Variants in PPP6R2 observed in about 807,000 individuals in gnomAD.
PPP6R2 encodes protein phosphatase 6 regulatory subunit 2.
Under a neutral mutation model 100.2 loss-of-function variants are expected in PPP6R2, and 62 were observed. The observed-to-expected ratio is 0.62, with a 90% CI of 0.50 to 0.76. The LOEUF (loss-of-function observed/expected upper bound fraction) is 0.76, where lower values mean the gene tolerates loss of function less well. PPP6R2 is among the 30% of genes least tolerant of loss of function. PPP6R2 has a pLI of 0.00. For missense variants in PPP6R2, 1,142 were observed against 1,276.3 expected, an observed-to-expected ratio of 0.89 and a Z score of 1.60; for synonymous variants, 525 against 514.7, an observed-to-expected ratio of 1.02 and a Z score of -0.27.
At chr22:50,442,788 A>AGG (rs2065994151) in intron 22 of PPP6R2, among the ~76,000 whole-genome samples, 2 of 151,438 alleles carry the variant, frequency 1.3e-5, no homozygotes, top group Non-Finnish European at 2.9e-5. Flanking sequence ...TCCTGACCTC[A>AGG]TGATCCGCCT....
chr22:50,403,854 C>T (rs1225661900), intron 3 of PPP6R2, among the ~76,000 whole-genome samples: 2 of 152,190 alleles, frequency 1.3e-5, no homozygotes, highest in African/African-American at 4.8e-5. Flanking sequence ...GCGTTTCTTC[C>T]CCTTCCACAC....
chr22:50,382,495 G>A (rs2053321845), intron 2 of PPP6R2, among the ~76,000 whole-genome samples: 1 of 149,250 alleles, frequency 6.7e-6, no homozygotes, highest in African/African-American at 2.5e-5. Flanking sequence ...GCCTGGGCTA[G>A]GCAAAAGGGT....
intron 1 of PPP6R2, among the ~76,000 whole-genome samples, chr22:50,371,798 G>A (rs1367105279): frequency 2.0e-5 from 3 of 151,896 alleles, no homozygotes; most frequent in East Asian, 1.9e-4. Context: ...CACCACACCC[G>A]GCTAATTTTT....
chr22:50,339,751 GGT>G, upstream of PPP6R2, among the ~76,000 whole-genome samples: 1 of 81,194 alleles, frequency 1.2e-5, no homozygotes, highest in African/African-American at 1.1e-4. Flanking sequence ...TATAGTATGT[GGT>G]GGTGTGTGGT....
At chr22:50,389,741 G>A (rs1241748555) in intron 2 of PPP6R2, among the ~76,000 whole-genome samples, 2 of 151,890 alleles carry the variant, frequency 1.3e-5, no homozygotes, top group South Asian at 4.1e-4. Context: ...TGGGATTTCA[G>A]ATGTGCACCA....
chr22:50,394,734 G>A (rs775630777), intron 3 of PPP6R2, among the ~76,000 whole-genome samples: 44 of 151,290 alleles, frequency 2.9e-4, no homozygotes, highest in African/African-American at 7.5e-4. Context: ...GTGAAACCCC[G>A]TCTCTACTAA....
chr22:50,407,861 C>T (rs890429497), intron 4 of PPP6R2, among the ~76,000 whole-genome samples: 1 of 148,820 alleles, frequency 6.7e-6, no homozygotes, highest in Admixed American at 6.7e-5. Flanking sequence ...CAGATTATTT[C>T]TCATGTAAAT....
At chr22:50,436,093 G>T (rs1057299122) in intron 13 of PPP6R2, among the ~76,000 whole-genome samples, 5 of 152,226 alleles carry the variant, frequency 3.3e-5, no homozygotes, top group Non-Finnish European at 7.3e-5. Context: ...GAACTCAGAT[G>T]CCCACTGGGG....
upstream of PPP6R2, among the ~76,000 whole-genome samples, chr22:50,339,141 T>TTGTGGTGTGTGTGTGGTATGTGGTGTG: frequency 8.8e-6 from 1 of 114,266 alleles, no homozygotes; most frequent in South Asian, 3.1e-4. Flanking sequence ...TGTGTGTGGT[T>TTGTGGTGTGTGTGTGGTATGTGGTGTG]TGTGGTGTGT....
rs937236466 is a variant in PPP6R2 at position 50,423,031 on chromosome 22, G to C, written c.973-431G>C. Among the ~76,000 whole-genome samples, 1 of 152,182 alleles carries C rather than the reference G, an allele frequency of 6.6e-6. No individual in the cohort carries two copies. Among genetic ancestry groups the C allele is most frequent in the African/African-American group, 2.4e-5 (1 of 41,446 alleles). ...TCCATCGGAGGAGGCATTCCCGTCA[G>C]TGTCCCCAAAGTGTGTTCATGGGAC... On this transcript the variant is annotated intron_variant, in intron 9 of 23. Transcript: ENST00000612753. This position sits in a 1 kb window ranked among gnomAD's most constrained non-coding sequence, Gnocchi z 4.8.
intron 2 of PPP6R2, among the ~76,000 whole-genome samples, chr22:50,373,240 C>CTTTT (rs530254249): frequency 3.0e-4 from 38 of 126,394 alleles, no homozygotes; most frequent in African/African-American, 4.0e-4. Context: ...TAATTTCTTT[C>CTTTT]TTTTTTTTTT....
chr22:50,416,267 A>T, intron 6 of PPP6R2, 110 bp downstream of exon 6: 1 of 935,296 alleles, frequency 1.1e-6, no homozygotes, highest in Non-Finnish European at 1.7e-6. Context: ...CTTTCCTAAG[A>T]TGAGGATCGG....
At chr22:50,334,650 G>A in the PPP6R2 span, among the ~76,000 whole-genome samples, 1 of 152,076 alleles carries the variant, frequency 6.6e-6, no homozygotes, top group Non-Finnish European at 1.5e-5. Flanking sequence ...GTATTAGCTT[G>A]TCAATTTCCA....
intron 1 of PPP6R2, among the ~76,000 whole-genome samples, chr22:50,355,179 C>A (rs1226012519): frequency 6.6e-6 from 1 of 151,650 alleles, no homozygotes. Context: ...TTTAGGGATA[C>A]TCCTCCTATA....
At chr22:50,355,429 G>C (rs1371100348) in intron 1 of PPP6R2, among the ~76,000 whole-genome samples, 1 of 151,492 alleles carries the variant, frequency 6.6e-6, no homozygotes, top group African/African-American at 2.4e-5. Flanking sequence ...TAGTAGAGAA[G>C]GGGTTTCACT....
At chr22:50,410,332 C>T (rs189276872) in intron 4 of PPP6R2, among the ~76,000 whole-genome samples, 2 of 152,264 alleles carry the variant, frequency 1.3e-5, no homozygotes, top group East Asian at 3.9e-4. Flanking sequence ...CCTTTCACAC[C>T]ACAGCAGCAC....
At chr22:50,442,640 C>T (rs1413335823) in intron 22 of PPP6R2, among the ~76,000 whole-genome samples, 4 of 152,140 alleles carry the variant, frequency 2.6e-5, no homozygotes, top group Admixed American at 6.5e-5. Context: ...ACCTCCGCCT[C>T]CCGGGTTCAC....
At chr22:50,395,913 G>A (rs1266563541) in intron 3 of PPP6R2, among the ~76,000 whole-genome samples, 2 of 151,280 alleles carry the variant, frequency 1.3e-5, no homozygotes, top group African/African-American at 4.9e-5. Context: ...AAAAATCGAA[G>A]CTCGGGCATC....
At chr22:50,410,824 C>A (rs1468349638) in intron 4 of PPP6R2, among the ~76,000 whole-genome samples, 2 of 150,122 alleles carry the variant, frequency 1.3e-5, no homozygotes, top group Non-Finnish European at 3.0e-5. Context: ...CAAAGTCTCC[C>A]TTTTGTCTCC....
Sources: gnomAD v4.1 joint callset for allele counts (sites outside exome capture counted in the v4.1 genomes callset) on GRCh38, gnomAD v4.1.1 for gene constraint, Gnocchi (gnomAD v3.1) non-coding constraint, MANE v1.5 for transcripts, NCBI Gene and HGNC (gene_info 2026-07-23, HGNC 2026-07-21) for gene names.